The following GGTA1 variants were observed in gnomAD, a reference collection of about 807,000 sequenced individuals.
GGTA1 encodes glycoprotein alpha-galactosyltransferase 1 (inactive).
A neutral mutation model predicts 2.6 loss-of-function variants in GGTA1; 5 were observed. The ratio of observed to expected loss-of-function variants is 1.92; its 90% CI spans 1.00 to 4.04. GGTA1 has a LOEUF of 4.04. GGTA1 is among the 30% of genes most tolerant of loss of function. The pLI is 0.00. For synonymous variants in GGTA1, 17 were observed against 5.0 expected (o/e 3.38, Z -3.19); for missense variants, 50 against 16.7 (o/e 2.99, Z -3.47).
intron 1 of GGTA1, among the ~76,000 whole-genome samples, chr9:121,485,255 C>G (rs1386503867): frequency 1.3e-5 from 2 of 152,160 alleles, no homozygotes; most frequent in Non-Finnish European, 2.9e-5. Context: ...CTCCCTTGCC[C>G]TCTGCTCAGT....
downstream of GGTA1, among the ~76,000 whole-genome samples, chr9:121,454,294 C>T (rs560179478): frequency 2.8e-4 from 43 of 152,324 alleles, no homozygotes; most frequent in Admixed American, 7.8e-4. Flanking sequence ...CTCATTTAGT[C>T]TCTGCAACAG....
At chr9:121,482,823 G>T (rs1200692832) in intron 1 of GGTA1, among the ~76,000 whole-genome samples, 1 of 152,034 alleles carries the variant, frequency 6.6e-6, no homozygotes, top group African/African-American at 2.4e-5. Flanking sequence ...GGCACGTGTT[G>T]TAGTCCCAGT....
rs114825325 is a variant in GGTA1, at chr9:121,493,295, C to A, written c.-10+6355G>T. On this transcript the variant is annotated intron_variant, in intron 1 of 5. Coordinates refer to ENST00000481799, the MANE Select transcript of GGTA1 (RefSeq NM_001382585.1). ...CAGGGAAGGTCACTGCAGCTGCTAC[C>A]TCGTGAACTACCTCCATTCCCTACC... is the stretch of plus-strand genomic sequence containing the variant. Among the ~76,000 whole-genome samples the A allele has an allele frequency of 8.5e-3, 1,294 of 152,224 alleles. 18 individuals are homozygous for A. The highest frequency in any genetic ancestry group is 0.03 in the African/African-American group (1,232 of 41,518).
At chr9:121,483,809 C>A (rs1828701998) in intron 1 of GGTA1, among the ~76,000 whole-genome samples, 1 of 152,226 alleles carries the variant, frequency 6.6e-6, no homozygotes, top group South Asian at 2.1e-4. Flanking sequence ...AGGTCACGAT[C>A]TCCAACCTGC....
intron 1 of GGTA1, among the ~76,000 whole-genome samples, chr9:121,473,604 TG>T (rs1350799219): frequency 6.6e-6 from 1 of 152,192 alleles, no homozygotes; most frequent in Non-Finnish European, 1.5e-5. Flanking sequence ...TGAAGACTGG[TG>T]GTTCACTGTC....
At chr9:121,463,062 G>T in intron 3 of GGTA1, 1 of 281,010 alleles carries the variant, frequency 3.6e-6, no homozygotes, top group Non-Finnish European at 6.9e-6. Context: ...AAATGACACT[G>T]CTTAAGAGAA....
chr9:121,446,104 C>T (rs775996366), exon 8 of GGTA1: 1 of 152,262 alleles, frequency 6.6e-6, no homozygotes, highest in Non-Finnish European at 1.5e-5. Flanking sequence ...GATTGGAAAT[C>T]ACCCACACTT....
chr9:121,474,383 G>A (rs1156839771), intron 1 of GGTA1, among the ~76,000 whole-genome samples: 1 of 152,170 alleles, frequency 6.6e-6, no homozygotes, highest in African/African-American at 2.4e-5. Flanking sequence ...TTCCTGGAAC[G>A]TGTGCAGATT....
chr9:121,481,680 C>CAAAAAAAAAAAA (rs34813039), intron 1 of GGTA1, among the ~76,000 whole-genome samples: 2 of 64,220 alleles, frequency 3.1e-5, no homozygotes, highest in Non-Finnish European at 5.6e-5. Flanking sequence ...GACTCTGTCT[C>CAAAAAAAAAAAA]AAAAAAAAAA....
At chr9:121,481,918 C>G (rs1317912754) in intron 1 of GGTA1, among the ~76,000 whole-genome samples, 3 of 151,588 alleles carry the variant, frequency 2.0e-5, no homozygotes, top group Non-Finnish European at 4.4e-5. Context: ...GTTCCTTGAA[C>G]CTGGGAGGCA....
chr9:121,476,085 C>A lies in GGTA1; in HGVS notation c.-9-8154G>T, dbSNP rs1446805468. ...CACAGTACCTATAATAATGATGATGCTTTTTAATGGGAGAAATTCAGAAAT... is the reference window on the plus strand; with the variant it reads ...CACAGTACCTATAATAATGATGATGATTTTTAATGGGAGAAATTCAGAAAT... On this transcript the variant is annotated intron_variant, in intron 1 of 5. Transcript: ENST00000481799. This position sits in a 1 kb window ranked among gnomAD's most constrained non-coding sequence, Gnocchi z 4.6. Among the ~76,000 whole-genome samples the A allele has an allele frequency of 6.6e-6, 1 of 152,140 alleles. No individual in the cohort carries two copies. Among genetic ancestry groups the A allele is most frequent in the Non-Finnish European group, 1.5e-5 (1 of 68,038 alleles).
At chr9:121,492,841 T>C (rs1828898865) in intron 1 of GGTA1, among the ~76,000 whole-genome samples, 1 of 151,704 alleles carries the variant, frequency 6.6e-6, no homozygotes, top group Non-Finnish European at 1.5e-5. Flanking sequence ...GCTTGAAAAA[T>C]TCTTATTAAG....
chr9:121,492,452 AG>A (rs887860324), intron 1 of GGTA1, among the ~76,000 whole-genome samples: 6 of 152,104 alleles, frequency 3.9e-5, no homozygotes, highest in Non-Finnish European at 8.8e-5. Flanking sequence ...AGCCGAGTTC[AG>A]GTATTTTATT....
At chr9:121,497,460 C>T (rs1011352343) in intron 1 of GGTA1, among the ~76,000 whole-genome samples, 1 of 152,088 alleles carries the variant, frequency 6.6e-6, no homozygotes, top group African/African-American at 2.4e-5. Context: ...GAACTGCATT[C>T]AAATCCTAGC....
intron 3 of GGTA1, 46 bp from the exon 4 acceptor site, chr9:121,461,363 C>T (rs1210673959): frequency 4.5e-6 from 2 of 444,332 alleles, no homozygotes; most frequent in Middle Eastern, 3.5e-4. Context: ...AATGTGGTGT[C>T]CCCAAACTTA....
rs1331300920 is a variant in GGTA1, at chr9:121,476,732, A to G, written c.-9-8801T>C. Among the ~76,000 whole-genome samples the G allele has an allele frequency of 6.6e-6, 1 of 152,194 alleles. No homozygotes were observed. Among genetic ancestry groups the G allele is most frequent in the Non-Finnish European group, 1.5e-5 (1 of 68,032 alleles). Reference sequence around the variant, plus strand: ...TGCAGAGGCTGACTTACCAGGAGCTAATGACGCTTAGGTGTCAGGGTCCTC... The same window carrying G: ...TGCAGAGGCTGACTTACCAGGAGCTGATGACGCTTAGGTGTCAGGGTCCTC... On this transcript the variant is annotated intron_variant, in intron 1 of 5. Transcript: ENST00000481799. The surrounding 1 kb of genome is among the most constrained non-coding windows in gnomAD (Gnocchi z 4.6).
intron 1 of GGTA1, among the ~76,000 whole-genome samples, chr9:121,485,355 C>T (rs1340875594): frequency 6.6e-6 from 1 of 152,092 alleles, no homozygotes; most frequent in Non-Finnish European, 1.5e-5. Flanking sequence ...ACCCCACTGG[C>T]TATGTGACAG....
chr9:121,479,944 T>C (rs61499303), intron 1 of GGTA1, among the ~76,000 whole-genome samples: 41,176 of 152,206 alleles, frequency 0.27, 6,109 homozygotes, highest in Middle Eastern at 0.37. Flanking sequence ...CTCCGCTCTC[T>C]GGCTGAATAA....
chr9:121,474,333 C>T (rs562738779), intron 1 of GGTA1, among the ~76,000 whole-genome samples: 8 of 152,324 alleles, frequency 5.3e-5, no homozygotes, highest in Admixed American at 2.0e-4. Context: ...CAGAACTCAG[C>T]GCCTGCACTG....
Sources: gnomAD v4.1 joint callset for allele counts (sites outside exome capture counted in the v4.1 genomes callset) on GRCh38, gnomAD v4.1.1 for gene constraint, Gnocchi (gnomAD v3.1) non-coding constraint, MANE v1.5 for transcripts, NCBI Gene and HGNC (gene_info 2026-07-23, HGNC 2026-07-21) for gene names.